Variants in PIGR observed in about 807,000 individuals in gnomAD.
PIGR encodes polymeric immunoglobulin receptor.
In PIGR, 22 loss-of-function variants were observed where a neutral mutation model predicts 69.5. The observed-to-expected ratio is 0.32, with a 90% CI of 0.23 to 0.45. PIGR has a LOEUF of 0.45. PIGR is among the 20% of genes least tolerant of loss of function. PIGR has a pLI of 1.00. For synonymous variants in PIGR, 413 were observed against 407.6 expected (o/e 1.01, Z -0.16); for missense variants, 885 against 974.0 (o/e 0.91, Z 1.22).
In PIGR at chr1:206,946,434, C is replaced by T. The variant is rs906126405; in HGVS notation, c.-152G>A. The T allele has an allele frequency of 6.6e-6, 1 of 152,270 alleles. No individual in the cohort carries two copies. The allele number at this position is 152,270 out of a possible 1,614,324, so 9.4% of individuals were successfully genotyped here. On this transcript the variant is annotated 5_prime_UTR_variant, in exon 1 of 11. In the 5' UTR this introduces an upstream ATG that the reference lacks. Coordinates refer to ENST00000356495, the MANE Select transcript of PIGR (RefSeq NM_002644.4). ...CTCTCTAGGAGCTACTGGCAGGGCA[C>T]TGGACGCTGCTGCCAAAACTGAAAC...
chr1:206,940,023 T>C (rs568682079), intron 2 of PIGR, among the ~76,000 whole-genome samples: 1 of 152,246 alleles, frequency 6.6e-6, no homozygotes, highest in Non-Finnish European at 1.5e-5. Context: ...CAGCCATCCA[T>C]TGTTTTTTCA....
rs1306559599 is a variant in PIGR at position 206,934,449 on chromosome 1, T to G, written c.1676A>C (p.Tyr559Ser). The G allele has an allele frequency of 5.6e-6, 9 of 1,613,892 alleles. No homozygotes were observed. Among genetic ancestry groups the G allele is most frequent in the Non-Finnish European group, 6.8e-6 (8 of 1,179,886 alleles). Residue 559 changes from tyrosine (Y) to serine (S), a missense_variant, in exon 6 of 11, where the codon TAT becomes TCT. Tyr to Ser is a moderately radical substitution (Grantham distance 144). Transcript: ENST00000356495. Reference sequence around the variant, plus strand: ...TGCCTTCCTCTCTTCAACTGCCACATAGACGGCTGCAGTCTCTCCATAGAA... The same window carrying G: ...TGCCTTCCTCTCTTCAACTGCCACAGAGACGGCTGCAGTCTCTCCATAGAA... ...GHFYGETAAVYVAVEERKAAG... is the reference protein window; with the variant it reads ...GHFYGETAAVSVAVEERKAAG...
At chr1:206,946,076 A>G (rs1277987260) in intron 1 of PIGR, among the ~76,000 whole-genome samples, 1 of 152,172 alleles carries the variant, frequency 6.6e-6, no homozygotes, top group African/African-American at 2.4e-5. Flanking sequence ...ACATATGCTG[A>G]CCACAGAGGT....
chr1:206,939,806 A>C (rs1416649564), intron 2 of PIGR, among the ~76,000 whole-genome samples: 1 of 152,160 alleles, frequency 6.6e-6, no homozygotes, highest in East Asian at 1.9e-4. Context: ...GGCTCACTGC[A>C]ACCTCCGCTT....
rs1488562521 is a variant in PIGR, at chr1:206,930,307, G to A, written c.*11C>T. ...ATTGTCATGGGTGCAGGGAGCAGGC[G>A]GCGACACCGTCTAGGCTTCCTGGGG... On this transcript the variant is annotated 3_prime_UTR_variant, in exon 11 of 11. Coordinates refer to ENST00000356495, the MANE Select transcript of PIGR (RefSeq NM_002644.4). The surrounding 1 kb of genome is among the most constrained non-coding windows in gnomAD (Gnocchi z 4.3). 14 of 1,606,760 alleles carry A rather than the reference G, an allele frequency of 8.7e-6. No individual in the cohort carries two copies. In the East Asian group the frequency reaches 9.0e-5, roughly 10 times the overall value.
chr1:206,932,449 G>T lies in PIGR; in HGVS notation c.2008+7C>A. On this transcript the variant is annotated splice_region_variant and intron_variant, in intron 8 of 10. Coordinates refer to ENST00000356495, the MANE Select transcript of PIGR (RefSeq NM_002644.4). ...GGTGGGAGGCAGGGAGTATCCCAGG[G>T]ACTCACCGACGTTCTTCCTGTGCCG... 6.2e-7 allele frequency: 1 copy of T among 1,608,620 alleles called. No homozygotes were observed. Among genetic ancestry groups the T allele is most frequent in the East Asian group, 2.2e-5 (1 of 44,840 alleles).
intron 3 of PIGR, among the ~76,000 whole-genome samples, chr1:206,937,953 TC>T (rs1195876474): frequency 1.3e-5 from 2 of 152,302 alleles, no homozygotes; most frequent in African/African-American, 4.8e-5. Context: ...CACTAATCTC[TC>T]CCTGCCCTGT....
At position 206,935,292 on chromosome 1, in the gene PIGR, A is replaced by T. The variant is rs1399991349; in HGVS notation, c.1378+194T>A. 1.3e-5 allele frequency among the ~76,000 whole-genome samples: 2 copies of T among 152,182 alleles called. No homozygotes were observed. The highest frequency in any genetic ancestry group is 2.9e-5 in the Non-Finnish European group (2 of 68,026). On this transcript the variant is annotated intron_variant, in intron 5 of 10. Transcript: ENST00000356495. This position sits in a 1 kb window ranked among gnomAD's most constrained non-coding sequence, Gnocchi z 4.4. Reference sequence around the variant, plus strand: ...AGAAGCCCATGTTCTTGGTAGTAGGAGGTACCATGTATGGTAATTCAGAGT... The same window carrying T: ...AGAAGCCCATGTTCTTGGTAGTAGGTGGTACCATGTATGGTAATTCAGAGT...
In PIGR at chr1:206,933,137, C is replaced by T. The variant is rs748624129; in HGVS notation, c.1735G>A (p.Asp579Asn). The change falls in exon 7 of 11, where the codon GAC (aspartate) becomes AAC (asparagine). Residue 579 changes from aspartate (D) to asparagine (N), a missense_variant. Transcript: ENST00000356495. ...GSRDVSLAKA[D>N]AAPDEKVLDS... Reference sequence around the variant, plus strand: ...AGCACCTTCTCATCAGGAGCAGCGTCTGCCTTCGCTAGGCTGACATCGCGG... The same window carrying T: ...AGCACCTTCTCATCAGGAGCAGCGTTTGCCTTCGCTAGGCTGACATCGCGG... 6.2e-7 allele frequency: 1 copy of T among 1,614,208 alleles called. No homozygotes were observed. Among genetic ancestry groups the T allele is most frequent in the Non-Finnish European group, 8.5e-7 (1 of 1,180,026 alleles).
chr1:206,935,529 G>A lies in PIGR; in HGVS notation c.1335C>T (p.Gly445=), dbSNP rs150540753. 5 of 1,613,890 alleles carry A rather than the reference G, an allele frequency of 3.1e-6. No homozygotes were observed. The East Asian group carries it at 6.7e-5, about 22-fold the overall frequency. ...DAGFYWCLTN[G]DTLWRTTVEI... ...CCACGGTGGTCCTCCAGAGAGTATC[G>A]CCGTTGGTCAGACACCAGTAGAAGC... is the stretch of plus-strand genomic sequence containing the variant. Residue 445 remains glycine, a synonymous_variant, in exon 5 of 11, where the codon GGC becomes GGT. Transcript: ENST00000356495. The surrounding 1 kb of genome is among the most constrained non-coding windows in gnomAD (Gnocchi z 4.4).
intron 4 of PIGR, among the ~76,000 whole-genome samples, chr1:206,936,196 G>A (rs1679859646): frequency 6.6e-6 from 1 of 152,170 alleles, no homozygotes. Flanking sequence ...CCACAAAAGT[G>A]GCCCAATGGA....
In PIGR at chr1:206,930,454, G is replaced by A. The variant is rs77096421; in HGVS notation, c.2200-41C>T. Reference sequence around the variant, plus strand: ...AGAGGCATCAGTGTTGGGGGCACTGGCTCAGTGGGTGGAGTCAGGGGAGGG... The same window carrying A: ...AGAGGCATCAGTGTTGGGGGCACTGACTCAGTGGGTGGAGTCAGGGGAGGG... On this transcript the variant is annotated intron_variant, in intron 10 of 10. Transcript: ENST00000356495. This position sits in a 1 kb window ranked among gnomAD's most constrained non-coding sequence, Gnocchi z 4.3. The A allele has an allele frequency of 2.6e-3, 4,074 of 1,593,022 alleles. 129 individuals are homozygous for A. The East Asian group carries it at 0.069, about 27-fold the overall frequency.
chr1:206,945,398 C>T (rs748764174), intron 1 of PIGR, among the ~76,000 whole-genome samples: 35 of 152,132 alleles, frequency 2.3e-4, no homozygotes, highest in Admixed American at 3.3e-4. Context: ...TTGTGCCGGA[C>T]GGTCCCACTG....
At chr1:206,936,903 G>T (rs1424918373) in intron 4 of PIGR, among the ~76,000 whole-genome samples, 192 bp downstream of exon 4, 2 of 152,208 alleles carry the variant, frequency 1.3e-5, no homozygotes, top group Non-Finnish European at 2.9e-5. Context: ...ATTAGGAGCT[G>T]CCATCAGGCA....
At position 206,939,344 on chromosome 1, in the gene PIGR, A is replaced by T; in HGVS notation, c.163T>A (p.Trp55Arg). The T allele has an allele frequency of 6.2e-7, 1 of 1,614,238 alleles. No individual in the cohort carries two copies. The highest frequency in any genetic ancestry group is 8.5e-7 in the Non-Finnish European group (1 of 1,180,032). The change falls in exon 3 of 11, where the codon TGG becomes AGG. Residue 55 changes from tryptophan (W) to arginine (R), a missense_variant. Coordinates refer to ENST00000356495, the MANE Select transcript of PIGR (RefSeq NM_002644.4). ...TSVNRHTRKY[W>R]CRQGARGGCI... ...CCACCTCTAGCTCCCTGCCGGCACC[A>T]GTACTTCCGGGTGTGCCGGTTGACA...
In PIGR at chr1:206,931,713, C is replaced by T. The variant is rs903128390; in HGVS notation, c.2098G>A (p.Ala700Thr). ...REFGANDNMG[A>T]SSITQETSLG... ...GATGTCTCCTGAGTGATCGAAGAGG[C>T]TCCCATGTTGTCATTGGCTCCAAAT... is the stretch of plus-strand genomic sequence containing the variant. The change falls in exon 9 of 11, where the codon GCC (alanine) becomes ACC (threonine). Residue 700 changes from alanine (A) to threonine (T), a missense_variant. Coordinates refer to ENST00000356495, the MANE Select transcript of PIGR (RefSeq NM_002644.4). The T allele has an allele frequency of 6.2e-7, 1 of 1,614,150 alleles. No individual in the cohort carries two copies.
At chr1:206,940,797 T>C (rs868430871) in intron 1 of PIGR, among the ~76,000 whole-genome samples, 1 of 152,238 alleles carries the variant, frequency 6.6e-6, no homozygotes, top group Non-Finnish European at 1.5e-5. Flanking sequence ...GTAGCTTTTG[T>C]CTTCTCAACT....
intron 1 of PIGR, among the ~76,000 whole-genome samples, chr1:206,942,275 C>T (rs1281609386): frequency 1.3e-5 from 2 of 152,192 alleles, no homozygotes; most frequent in African/African-American, 4.8e-5. Context: ...AAATACCAGT[C>T]AGCTCCAACA....
chr1:206,933,289 T>G (rs1207143033), intron 6 of PIGR, 123 bp from the exon 7 acceptor site: 1 of 905,700 alleles, frequency 1.1e-6, no homozygotes. Flanking sequence ...TCAAGGCTGT[T>G]GGGGTAGGAC....
Sources: allele counts gnomAD v4.1 joint callset (sites outside exome capture counted in the v4.1 genomes callset), GRCh38; gene constraint gnomAD v4.1.1; non-coding constraint Gnocchi (gnomAD v3.1); transcripts MANE v1.5; gene names NCBI Gene and HGNC (gene_info 2026-07-23, HGNC 2026-07-21).